LUZP2: variants seen among roughly 807,000 people sequenced by gnomAD.
LUZP2 encodes leucine zipper protein 2.
In LUZP2, 52 loss-of-function variants were observed where a neutral mutation model predicts 51.6. The observed-to-expected ratio is 1.01, with a 90% CI of 0.81 to 1.27. The LOEUF (loss-of-function observed/expected upper bound fraction) is 1.27. LUZP2 is among the 50% of genes most tolerant of loss of function. The pLI, the probability that LUZP2 is intolerant of heterozygous loss-of-function variation, is 0.00. For missense variants in LUZP2, 436 were observed against 395.4 expected, an observed-to-expected ratio of 1.10 and a Z score of -0.87; for synonymous variants, 154 against 137.3, an observed-to-expected ratio of 1.12 and a Z score of -0.85.
intron 1 of LUZP2, among the ~76,000 whole-genome samples, chr11:24,673,385 G>C (rs1204160083): frequency 6.6e-6 from 1 of 152,130 alleles, no homozygotes; most frequent in Non-Finnish European, 1.5e-5. Flanking sequence ...TCAGAAACCA[G>C]TCCATGTCCC....
intron 7 of LUZP2, among the ~76,000 whole-genome samples, chr11:24,938,101 T>G: frequency 6.6e-6 from 1 of 152,208 alleles, no homozygotes; most frequent in South Asian, 2.1e-4. Flanking sequence ...ATTTATTTAT[T>G]AATAAGAAGA....
intron 9 of LUZP2, among the ~76,000 whole-genome samples, chr11:25,019,564 C>A (rs1427639332): frequency 6.6e-6 from 1 of 151,930 alleles, no homozygotes; most frequent in Non-Finnish European, 1.5e-5. Flanking sequence ...TATACTCCAC[C>A]AAAACAATAA....
intron 5 of LUZP2, among the ~76,000 whole-genome samples, chr11:24,773,336 C>T (rs77764670): frequency 0.08 from 12,216 of 151,914 alleles, 1,064 homozygotes; most frequent in African/African-American, 0.22. Context: ...ATACTGTTAC[C>T]GAGAAGTACA....
intron 1 of LUZP2, among the ~76,000 whole-genome samples, chr11:24,639,609 A>T (rs1408002445): frequency 6.6e-6 from 1 of 151,454 alleles, no homozygotes; most frequent in Non-Finnish European, 1.5e-5. Flanking sequence ...CCGCCACCAC[A>T]CCTGGCTAAT....
chr11:24,509,623 A>C (rs188447509), intron 1 of LUZP2, among the ~76,000 whole-genome samples: 84 of 149,986 alleles, frequency 5.6e-4, no homozygotes, highest in Non-Finnish European at 1.1e-3. Flanking sequence ...GGTTATATAT[A>C]ACATATTATA....
In LUZP2 at chr11:24,542,203, G is replaced by A. The variant is rs139560079; in HGVS notation, c.62+44898G>A. The stretch of plus-strand genomic sequence containing the variant: ...CAGAGAAAATTAAAGATGAGATACA[G>A]CAAAGGAACTACAGTATTACTATCC... On this transcript the variant is annotated intron_variant, in intron 1 of 11. Transcript: ENST00000336930. Among the ~76,000 whole-genome samples the A allele has an allele frequency of 4.3e-3, 660 of 152,068 alleles. 6 individuals are homozygous for A. The highest frequency in any genetic ancestry group is 0.015 in the African/African-American group (625 of 41,516).
intron 1 of LUZP2, among the ~76,000 whole-genome samples, chr11:24,525,272 T>C (rs934658882): frequency 6.6e-6 from 1 of 151,708 alleles, no homozygotes; most frequent in Non-Finnish European, 1.5e-5. Flanking sequence ...GGAAGAACAT[T>C]AGGCACATAT....
At chr11:24,786,868 G>A (rs1849263799) in intron 5 of LUZP2, among the ~76,000 whole-genome samples, 1 of 151,784 alleles carries the variant, frequency 6.6e-6, no homozygotes, top group African/African-American at 2.4e-5. Context: ...CAATAAGAAA[G>A]TACTGTATCA....
At chr11:25,001,863 C>T (rs939407510) in intron 9 of LUZP2, among the ~76,000 whole-genome samples, 3 of 151,990 alleles carry the variant, frequency 2.0e-5, no homozygotes, top group African/African-American at 7.3e-5. Flanking sequence ...CTCTGACTTC[C>T]TGTCTCTTTC....
chr11:24,822,139 A>C (rs998827070), intron 5 of LUZP2, among the ~76,000 whole-genome samples: 2 of 152,092 alleles, frequency 1.3e-5, no homozygotes, highest in South Asian at 2.1e-4. Flanking sequence ...CACAGAGTGA[A>C]TCTTCAGTGG....
intron 7 of LUZP2, among the ~76,000 whole-genome samples, chr11:24,972,057 A>G (rs1855752951): frequency 7.1e-6 from 1 of 140,188 alleles, no homozygotes; most frequent in Non-Finnish European, 1.5e-5. Context: ...CACAAGAATA[A>G]CTTGAACCCA....
At chr11:25,014,674 C>G (rs887007966) in intron 9 of LUZP2, among the ~76,000 whole-genome samples, 13 of 152,208 alleles carry the variant, frequency 8.5e-5, no homozygotes, top group African/African-American at 2.9e-4. Flanking sequence ...GAGTAGGTTG[C>G]AAAAATTTTC....
At chr11:24,696,319 A>C (rs879881523) in intron 1 of LUZP2, among the ~76,000 whole-genome samples, 1 of 152,138 alleles carries the variant, frequency 6.6e-6, no homozygotes, top group Non-Finnish European at 1.5e-5. Flanking sequence ...CCAGACAAAC[A>C]AAAAGGGTTA....
chr11:24,775,402 C>A (rs1406050469), intron 5 of LUZP2, among the ~76,000 whole-genome samples: 1 of 152,224 alleles, frequency 6.6e-6, no homozygotes, highest in South Asian at 2.1e-4. Context: ...CTGTAAGTAT[C>A]TGTTATAAAG....
chr11:24,760,871 TAAC>T (rs1859953875), intron 4 of LUZP2, among the ~76,000 whole-genome samples: 1 of 152,188 alleles, frequency 6.6e-6, no homozygotes, highest in African/African-American at 2.4e-5. Context: ...TCTATTTCTG[TAAC>T]AACTGACTTC....
intron 5 of LUZP2, among the ~76,000 whole-genome samples, chr11:24,872,472 A>C (rs1392567258): frequency 6.6e-6 from 1 of 152,170 alleles, no homozygotes; most frequent in Non-Finnish European, 1.5e-5. Flanking sequence ...AAACCATTCA[A>C]GGGGATTAAA....
chr11:24,606,558 A>G (rs1163567137), intron 1 of LUZP2, among the ~76,000 whole-genome samples: 1 of 151,990 alleles, frequency 6.6e-6, no homozygotes, highest in African/African-American at 2.4e-5. Flanking sequence ...AAAGATGCTT[A>G]GGTGTTTTCA....
intron 9 of LUZP2, among the ~76,000 whole-genome samples, chr11:25,030,193 A>C (rs1266058711): frequency 1.3e-5 from 2 of 152,160 alleles, no homozygotes; most frequent in African/African-American, 4.8e-5. Context: ...ATTTTATAGA[A>C]TCAGTAATAT....
chr11:24,963,769 C>T lies in LUZP2; in HGVS notation c.523-12822C>T, dbSNP rs373685793. Among the ~76,000 whole-genome samples, 20 of 152,220 alleles carry T rather than the reference C, an allele frequency of 1.3e-4. No individual in the cohort carries two copies. In the East Asian group the frequency reaches 1.8e-3, roughly 13 times the overall value. ...TCGGCTCGTGCACGGTGCGCTGCAT[C>T]CACTGACCTGCGCCCACTGTCTGGC... On this transcript the variant is annotated intron_variant, in intron 7 of 11. Transcript: ENST00000336930.
Sources: allele counts gnomAD v4.1 joint callset (sites outside exome capture counted in the v4.1 genomes callset), GRCh38; gene constraint gnomAD v4.1.1; transcripts MANE v1.5; gene names NCBI Gene and HGNC (gene_info 2026-07-23, HGNC 2026-07-21).